Variants in TEF observed in about 807,000 individuals in gnomAD.
TEF encodes thyrotroph embryonic factor.
TEF carries 3 observed loss-of-function variants against 20.8 expected under a neutral mutation model. The observed-to-expected ratio is 0.14, with a 90% CI of 0.07 to 0.37. TEF has a LOEUF of 0.37. Ranked by LOEUF, TEF falls within the 10% of genes least tolerant of loss-of-function variation. The pLI is 1.00. For synonymous variants in TEF, 180 were observed against 171.1 expected, an observed-to-expected ratio of 1.05 and a Z score of -0.41; for missense variants, 296 against 397.9, an observed-to-expected ratio of 0.74 and a Z score of 2.18.
chr22:41,395,972 C>T lies in TEF; in HGVS notation c.*12C>T, dbSNP rs371864233. 21 of 1,604,478 alleles carry T rather than the reference C, an allele frequency of 1.3e-5. No individual in the cohort carries two copies. The highest frequency in any genetic ancestry group is 4.5e-5 in the East Asian group (2 of 44,584). On this transcript the variant is annotated 3_prime_UTR_variant, in exon 4 of 4. Coordinates refer to ENST00000266304, the MANE Select transcript of TEF (RefSeq NM_003216.4). Reference sequence around the variant, plus strand: ...ACGGGCCCTTGTAACCCGTGCCCCCCGCCCGGGCGGGGTACTGCCTGCACC... The same window carrying T: ...ACGGGCCCTTGTAACCCGTGCCCCCTGCCCGGGCGGGGTACTGCCTGCACC...
chr22:41,391,290 T>A (rs963617244), intron 2 of TEF, among the ~76,000 whole-genome samples: 3 of 151,878 alleles, frequency 2.0e-5, no homozygotes, highest in African/African-American at 7.3e-5. Context: ...TTTGTTGGGG[T>A]TGGAGGCGTG....
intron 2 of TEF, among the ~76,000 whole-genome samples, chr22:41,387,983 CTTTTTTTTT>C (rs530707936): frequency 3.2e-4 from 16 of 50,112 alleles, no homozygotes; most frequent in East Asian, 8.7e-4. Context: ...CAATGCTGCT[CTTTTTTTTT>C]TTTTTTTTTT....
Position 41,387,488 on chromosome 22 carries a change from A to G in TEF, c.295A>G (p.Met99Val). ...TGGCGAATCTTTCCACCTGGAGTAC[A>G]TGGACCTGGATGAGTTCCTGCTGGA... ...YDGESFHLEY[M>V]DLDEFLLENG... is the part of the protein sequence containing the mutation. Residue 99 changes from methionine (M) to valine (V), a missense_variant, in exon 2 of 4, where the codon ATG becomes GTG. Met to Val is a conservative substitution (Grantham distance 21). This residue lies in a region of TEF where 194 missense variants were observed against 317.8 expected (regional missense o/e 0.61). Transcript: ENST00000266304. 10 of 1,614,196 alleles carry G rather than the reference A, an allele frequency of 6.2e-6. No homozygotes were observed. The highest frequency in any genetic ancestry group is 8.5e-6 in the Non-Finnish European group (10 of 1,180,032).
intron 1 of TEF, chr22:41,369,186 T>C: frequency 2.0e-6 from 2 of 985,222 alleles, no homozygotes; most frequent in Non-Finnish European, 2.4e-6. Flanking sequence ...ACAAGGCCTT[T>C]GAAGTGTGGC....
In TEF at chr22:41,387,537, C is replaced by T. The variant is rs756568373; in HGVS notation, c.344C>T (p.Thr115Ile). 4 of 1,614,088 alleles carry T rather than the reference C, an allele frequency of 2.5e-6. No homozygotes were observed. The highest frequency in any genetic ancestry group is 1.1e-5 in the South Asian group (1 of 91,094). Residue 115 changes from threonine to isoleucine, a missense_variant, in exon 2 of 4, where the codon ACC becomes ATC. Coordinates refer to ENST00000266304, the MANE Select transcript of TEF (RefSeq NM_003216.4). The stretch of plus-strand genomic sequence containing the variant: ...GAGAATGGCATCCCCGCCAGCCCCA[C>T]CCACCTGGCCCACAACCTGCTGCTG... ...LLENGIPASP[T>I]HLAHNLLLPV...
intron 1 of TEF, chr22:41,369,231 T>C (rs2145957275): frequency 1.0e-6 from 1 of 985,406 alleles, no homozygotes; most frequent in Non-Finnish European, 1.2e-6. Context: ...AGCTGGTCTG[T>C]GGGGCCCTGC....
chr22:41,381,287 G>A (rs941799984), upstream of TEF, among the ~76,000 whole-genome samples: 1 of 152,124 alleles, frequency 6.6e-6, no homozygotes, highest in African/African-American at 2.4e-5. Flanking sequence ...AGAACAAAAA[G>A]ACCCGTCCCT....
chr22:41,368,265 C>G (rs545447306), intron 1 of TEF, among the ~76,000 whole-genome samples: 56 of 152,270 alleles, frequency 3.7e-4, no homozygotes, highest in Non-Finnish European at 4.3e-4. Context: ...TGATAAATCT[C>G]TCTCCAAATC....
At chr22:41,369,060 G>C in intron 1 of TEF, 1 of 985,256 alleles carries the variant, frequency 1.0e-6, no homozygotes, top group Non-Finnish European at 1.2e-6. Flanking sequence ...AGTCCCTCCT[G>C]GCTCCCCCAA....
rs756399398 is a variant in TEF, at chr22:41,395,948, C to T, written c.900C>T (p.Tyr300=). ...TCGTGTCCAAGTATGAGACCAAATA[C>T]GGGCCCTTGTAACCCGTGCCCCCCG... ...KTIVSKYETK[Y]GPL is the part of the protein sequence containing the mutation. The change falls in exon 4 of 4, where the codon TAC becomes TAT. Residue 300 remains tyrosine (Y), a synonymous_variant. Coordinates refer to ENST00000266304, the MANE Select transcript of TEF (RefSeq NM_003216.4). The T allele has an allele frequency of 1.8e-5, 29 of 1,612,566 alleles. No homozygotes were observed. The highest frequency in any genetic ancestry group is 9.9e-5 in the South Asian group (9 of 91,062).
intron 1 of TEF, among the ~76,000 whole-genome samples, chr22:41,383,391 A>G (rs1182116760): frequency 2.0e-5 from 3 of 152,228 alleles, no homozygotes; most frequent in Non-Finnish European, 4.4e-5. Context: ...CTGCAGGGAC[A>G]GGTGTACACA....
rs113045156 is a variant in TEF at position 41,394,866 on chromosome 22, A to G, written c.696+550A>G. Among the ~76,000 whole-genome samples the G allele has an allele frequency of 3.2e-4, 49 of 152,340 alleles. 2 individuals are homozygous for G. The highest frequency in any genetic ancestry group is 1.2e-3 in the African/African-American group (49 of 41,576). The stretch of plus-strand genomic sequence containing the variant: ...CCACTTGTGGCCTAGCTGTGCCTCA[A>G]GTTCCTCATCTGTAAAACGGGAGCA... On this transcript the variant is annotated intron_variant, in intron 3 of 3. Transcript: ENST00000266304.
At chr22:41,374,713 CAAA>C (rs144864193) in intron 1 of TEF, among the ~76,000 whole-genome samples, 2 of 116,514 alleles carry the variant, frequency 1.7e-5, no homozygotes. Flanking sequence ...AAAACTGTCT[CAAA>C]AAAAAAAAAA....
At chr22:41,369,303 G>C in intron 1 of TEF, 2 of 960,436 alleles carry the variant, frequency 2.1e-6, no homozygotes, top group Non-Finnish European at 2.5e-6. Context: ...GGCACATAGG[G>C]GACCGCCCAA....
chr22:41,375,525 C>T (rs2036929946), intron 1 of TEF, among the ~76,000 whole-genome samples: 2 of 152,062 alleles, frequency 1.3e-5, no homozygotes, highest in Admixed American at 6.6e-5. Flanking sequence ...CCGAGGCGGG[C>T]GGATCGCGAG....
At chr22:41,375,955 T>TA (rs1301734996) in intron 1 of TEF, among the ~76,000 whole-genome samples, 1 of 152,150 alleles carries the variant, frequency 6.6e-6, no homozygotes, top group East Asian at 1.9e-4. Context: ...CGGGCTTTCT[T>TA]AGAGCTCAAT....
intron 1 of TEF, chr22:41,383,029 A>T (rs1393290505): frequency 6.4e-6 from 3 of 470,882 alleles, no homozygotes; most frequent in Non-Finnish European, 1.3e-5. Context: ...GGGTGCAGGG[A>T]GCAGCAGGAG....
chr22:41,392,662 A>G (rs565878299), intron 2 of TEF, among the ~76,000 whole-genome samples: 32 of 125,658 alleles, frequency 2.5e-4, no homozygotes, highest in African/African-American at 9.2e-4. Context: ...AAACAGAGTG[A>G]GACTCTTCAA....
intron 3 of TEF, 104 bp downstream of exon 3, chr22:41,394,420 G>A (rs1045517341): frequency 3.6e-6 from 4 of 1,115,870 alleles, no homozygotes; most frequent in Non-Finnish European, 3.8e-6. Flanking sequence ...CCCTCCTTGT[G>A]ACACCATTTG....
Sources: allele counts gnomAD v4.1 joint callset (sites outside exome capture counted in the v4.1 genomes callset), GRCh38; gene constraint gnomAD v4.1.1; regional missense constraint gnomAD v4.1.1; transcripts MANE v1.5; gene names NCBI Gene and HGNC (gene_info 2026-07-23, HGNC 2026-07-21).